UBR3: variants seen among roughly 807,000 people sequenced by gnomAD.
The protein encoded by UBR3 is E3 ubiquitin-protein ligase UBR3.
UBR3 carries 85 observed loss-of-function variants against 243.2 expected under a neutral mutation model. The observed-to-expected ratio is 0.35, with a 90% CI of 0.29 to 0.42. UBR3 has a LOEUF of 0.42. Among genes scored for constraint, UBR3 ranks in the 10% least tolerant of loss-of-function variants. UBR3 has a pLI of 1.00. For missense variants in UBR3, 1,686 were observed against 2,300.8 expected, an observed-to-expected ratio of 0.73 and a Z score of 5.47; for synonymous variants, 748 against 799.8, an observed-to-expected ratio of 0.94 and a Z score of 1.09.
chr2:169,899,795 C>T (rs1226617153), intron 8 of UBR3, among the ~76,000 whole-genome samples: 1 of 152,144 alleles, frequency 6.6e-6, no homozygotes, highest in Non-Finnish European at 1.5e-5. Context: ...ATGATGGTGA[C>T]CAGTTTCATC....
chr2:169,951,684 T>C (rs2087038433), intron 23 of UBR3, among the ~76,000 whole-genome samples: 1 of 151,730 alleles, frequency 6.6e-6, no homozygotes, highest in African/African-American at 2.4e-5. Context: ...GGTAATTACA[T>C]GAGGGTAGAT....
intron 29 of UBR3, among the ~76,000 whole-genome samples, chr2:170,010,312 G>A (rs977511660): frequency 1.3e-5 from 2 of 151,984 alleles, no homozygotes; most frequent in Non-Finnish European, 2.9e-5. Context: ...TAGACGATTG[G>A]GTTGAATATG....
intron 11 of UBR3, among the ~76,000 whole-genome samples, chr2:169,917,797 G>T (rs1242166316): frequency 6.6e-6 from 1 of 152,054 alleles, no homozygotes; most frequent in Non-Finnish European, 1.5e-5. Context: ...CCACCTCCTG[G>T]GTTCAAGCGA....
chr2:169,865,032 G>T (rs191270926), intron 1 of UBR3, among the ~76,000 whole-genome samples: 56 of 152,186 alleles, frequency 3.7e-4, no homozygotes, highest in East Asian at 1.9e-3. Flanking sequence ...GCTGTGGTGA[G>T]CCGAGATGGC....
intron 36 of UBR3, chr2:170,077,965 T>G (rs1559241841): frequency 1.7e-6 from 1 of 589,416 alleles, no homozygotes; most frequent in East Asian, 3.6e-5. Context: ...TTTTCCTGCT[T>G]TCTCTTTTCA....
chr2:169,923,808 A>T, intron 11 of UBR3, 121 bp from the exon 12 acceptor site: 1 of 885,464 alleles, frequency 1.1e-6, no homozygotes, highest in Non-Finnish European at 1.7e-6. Flanking sequence ...CTAAAATGTT[A>T]AGTTTTGAAC....
intron 31 of UBR3, among the ~76,000 whole-genome samples, chr2:170,040,264 C>T (rs2090934533): frequency 1.3e-5 from 2 of 152,016 alleles, no homozygotes; most frequent in Admixed American, 6.6e-5. Flanking sequence ...CACCACTAAG[C>T]CCTGCTAATT....
intron 5 of UBR3, among the ~76,000 whole-genome samples, chr2:169,880,705 T>G (rs1056750532): frequency 1.2e-4 from 19 of 152,312 alleles, no homozygotes; most frequent in Non-Finnish European, 4.4e-5. Flanking sequence ...TATTGCCCCT[T>G]TTTTATTCAT....
At chr2:170,041,019 T>C in intron 32 of UBR3, 34 bp downstream of exon 32, 2 of 1,559,740 alleles carry the variant, frequency 1.3e-6, no homozygotes, top group East Asian at 2.3e-5. Context: ...TTTGATTATA[T>C]ACTATGTATT....
intron 5 of UBR3, among the ~76,000 whole-genome samples, chr2:169,886,118 C>T (rs1254922060): frequency 2.0e-5 from 3 of 149,256 alleles, no homozygotes; most frequent in African/African-American, 4.9e-5. Context: ...GATCGCGCCA[C>T]TGCACCCCAG....
chr2:169,963,088 T>C (rs1258562046), intron 24 of UBR3, among the ~76,000 whole-genome samples: 3 of 152,170 alleles, frequency 2.0e-5, no homozygotes, highest in Non-Finnish European at 1.5e-5. Flanking sequence ...TTTCTTTGGA[T>C]AAGAATAGGC....
chr2:169,878,547 T>A lies in UBR3; in HGVS notation c.1011T>A (p.Thr337=). Residue 337 remains threonine, a synonymous_variant, in exon 5 of 39, where the codon ACT becomes ACA. Coordinates refer to ENST00000272793, the MANE Select transcript of UBR3 (RefSeq NM_172070.4). ...AAGGTTTCATAGGCGCAACAGGAAC[T>A]TTGGGACAAGTGGATTCTTCAGATG... ...AVQGFIGATG[T]LGQVDSSDED... is the part of the protein sequence containing the mutation. The A allele has an allele frequency of 6.4e-7, 1 of 1,551,500 alleles. No homozygotes were observed. The highest frequency in any genetic ancestry group is 8.7e-7 in the Non-Finnish European group (1 of 1,146,770).
intron 33 of UBR3, among the ~76,000 whole-genome samples, chr2:170,058,192 T>C (rs907516108): frequency 2.0e-5 from 3 of 152,178 alleles, no homozygotes; most frequent in Non-Finnish European, 4.4e-5. Flanking sequence ...CTTTCCTTCC[T>C]TTCTTCCTTT....
chr2:170,079,814 G>T lies in UBR3; in HGVS notation c.5200G>T (p.Ala1734Ser), dbSNP rs760600967. ...TGAATATTTTTGGATAATGTTTTAGGCCTTGCTTATCCAAGAGTCAAAATG... is the reference window on the plus strand; with the variant it reads ...TGAATATTTTTGGATAATGTTTTAGTCCTTGCTTATCCAAGAGTCAAAATG... ...FTERHAEQGK[A>S]LLIQESKWKL... Residue 1734 changes from alanine (A) to serine (S), a missense_variant and splice_region_variant, in exon 37 of 39, where the codon GCC becomes TCC. Physicochemically the swap from Ala to Ser is moderately conservative, Grantham distance 99 (BLOSUM62 1). Coordinates refer to ENST00000272793, the MANE Select transcript of UBR3 (RefSeq NM_172070.4). 1 of 1,611,334 alleles carries T rather than the reference G, an allele frequency of 6.2e-7. No homozygotes were observed.
chr2:169,866,283 T>C (rs115636092), intron 1 of UBR3, among the ~76,000 whole-genome samples: 6,285 of 150,312 alleles, frequency 0.042, 150 homozygotes, highest in Middle Eastern at 0.065. Context: ...CAAAAAAAGC[T>C]TTTATGGAAA....
intron 32 of UBR3, among the ~76,000 whole-genome samples, chr2:170,052,763 T>C (rs1378372752): frequency 6.6e-6 from 1 of 152,176 alleles, no homozygotes; most frequent in Non-Finnish European, 1.5e-5. Flanking sequence ...AGATCTAATA[T>C]ACAACATGAT....
rs1558998942 is a variant in UBR3 at position 169,836,059 on chromosome 2, A to ATT, written c.545+8008_545+8009insTT. Reference sequence around the variant, plus strand: ...TCTCTCTCTCTATATATATATATATATATATATATTTTTTTTTTTTTTTTT... The same window carrying ATT: ...TCTCTCTCTCTATATATATATATATATTTATATATATTTTTTTTTTTTTTTTT... On this transcript the variant is annotated intron_variant, in intron 1 of 38. Coordinates refer to ENST00000272793, the MANE Select transcript of UBR3 (RefSeq NM_172070.4). Among the ~76,000 whole-genome samples the ATT allele has an allele frequency of 4.9e-4, 20 of 40,932 alleles. 2 individuals carry two copies. The highest frequency in any genetic ancestry group is 1.3e-3 in the Admixed American group (3 of 2,310). The allele number at this position is 40,932 out of a possible 152,430, so 26.9% of individuals were successfully genotyped here.
chr2:169,894,617 T>C (rs1044034261), intron 6 of UBR3, among the ~76,000 whole-genome samples: 8 of 152,168 alleles, frequency 5.3e-5, no homozygotes, highest in Admixed American at 3.9e-4. Flanking sequence ...ACTGAGCTTG[T>C]TACTCATTTA....
At chr2:169,836,022 T>G (rs1485727219) in intron 1 of UBR3, among the ~76,000 whole-genome samples, 2 of 28,478 alleles carry the variant, frequency 7.0e-5, no homozygotes, top group East Asian at 1.6e-3. Context: ...TCTCTCTCTC[T>G]CTCTCTCTCT....
Sources: allele counts gnomAD v4.1 joint callset (sites outside exome capture counted in the v4.1 genomes callset), GRCh38; gene constraint gnomAD v4.1.1; transcripts MANE v1.5; gene names NCBI Gene and HGNC (gene_info 2026-07-23, HGNC 2026-07-21).